Variants in C4BPA observed in about 807,000 individuals in gnomAD.
C4BPA encodes C4b-binding protein alpha chain.
Under a neutral mutation model 63.7 loss-of-function variants are expected in C4BPA, and 31 were observed. That is an observed-to-expected ratio of 0.49 (90% confidence interval 0.37 to 0.66). C4BPA has a LOEUF of 0.66. C4BPA is among the 30% of genes least tolerant of loss of function. The pLI, the probability that C4BPA is intolerant of heterozygous loss-of-function variation, is 0.00. For synonymous variants in C4BPA, 259 were observed against 254.7 expected (o/e 1.02, Z -0.16); for missense variants, 572 against 723.3 (o/e 0.79, Z 2.40).
chr1:207,108,556 A>G (rs1684603539), intron 1 of C4BPA, among the ~76,000 whole-genome samples: 1 of 152,228 alleles, frequency 6.6e-6, no homozygotes, highest in Admixed American at 6.5e-5. Flanking sequence ...CCAGAATTTA[A>G]CTAGTTAGCA....
At chr1:207,108,721 T>TTTTA (rs921498740) in intron 1 of C4BPA, among the ~76,000 whole-genome samples, 2 of 152,042 alleles carry the variant, frequency 1.3e-5, no homozygotes, top group South Asian at 2.1e-4. Context: ...GGGTGATTCA[T>TTTTA]TTTATTTATT....
intron 6 of C4BPA, among the ~76,000 whole-genome samples, chr1:207,126,509 C>CATAT (rs145540771): frequency 2.7e-5 from 4 of 148,180 alleles, no homozygotes; most frequent in African/African-American, 9.9e-5. Flanking sequence ...GAAAGGATTA[C>CATAT]ATATATATAT....
chr1:207,124,061 A>G lies in C4BPA; in HGVS notation c.514+54A>G, dbSNP rs371583733. ...TCAATTTAAACTCTGTTAGGTAATA[A>G]AGTCCCTGTGCATCTTTACAGGTAT... On this transcript the variant is annotated intron_variant, in intron 5 of 11. Transcript: ENST00000367070. The G allele has an allele frequency of 4.7e-6, 7 of 1,500,758 alleles. No individual in the cohort carries two copies. In the African/African-American group the frequency reaches 9.7e-5, roughly 21 times the overall value. 93.0% of individuals were successfully genotyped at this position (1,500,758 alleles called of 1,614,324 possible). A position where few individuals can be genotyped will look rare whatever the true frequency, so the allele number is the denominator to read the frequency against.
chr1:207,117,259 G>A (rs552776631), intron 4 of C4BPA, among the ~76,000 whole-genome samples: 6 of 152,204 alleles, frequency 3.9e-5, no homozygotes, highest in South Asian at 2.1e-4. Context: ...AGACCAGCCC[G>A]GGCAACACAG....
At chr1:207,125,569 G>A (rs926261672) in intron 6 of C4BPA, among the ~76,000 whole-genome samples, 13 of 152,210 alleles carry the variant, frequency 8.5e-5, no homozygotes, top group African/African-American at 2.4e-4. Context: ...AAGGGAGAGC[G>A]CTAGTCTCTT....
chr1:207,134,695 T>G (rs1685241864), intron 9 of C4BPA, 103 bp downstream of exon 9: 1 of 757,312 alleles, frequency 1.3e-6, no homozygotes, highest in Admixed American at 2.8e-5. Context: ...TTCATATACC[T>G]TGCATGATTC....
Position 207,131,532 on chromosome 1 carries a change from T to A in C4BPA, c.890-14T>A, listed in dbSNP as rs1483362932. ...AGCGTCCTTTTGTTCTTCTTCTTCT[T>A]CTTTCATGAGTAGATAGTTGTATTA... On this transcript the variant is annotated splice_polypyrimidine_tract_variant and intron_variant, in intron 7 of 11. Coordinates refer to ENST00000367070, the MANE Select transcript of C4BPA (RefSeq NM_000715.4). 1 of 1,580,744 alleles carries A rather than the reference T, an allele frequency of 6.3e-7. No homozygotes were observed. The highest frequency in any genetic ancestry group is 1.7e-5 in the Admixed American group (1 of 59,094).
intron 9 of C4BPA, among the ~76,000 whole-genome samples, chr1:207,135,519 C>T (rs1685264171): frequency 6.6e-6 from 1 of 152,146 alleles, no homozygotes; most frequent in South Asian, 2.1e-4. Flanking sequence ...AATGTTCCCA[C>T]TTTGCCAACC....
intron 1 of C4BPA, 81 bp from the exon 2 acceptor site, chr1:207,112,920 T>G: frequency 2.3e-6 from 3 of 1,295,868 alleles, no homozygotes; most frequent in Non-Finnish European, 3.1e-6. Flanking sequence ...CTTGAAGACA[T>G]GGATCCCATA....
intron 7 of C4BPA, among the ~76,000 whole-genome samples, chr1:207,130,505 T>C (rs191416152): frequency 6.8e-4 from 104 of 152,250 alleles, no homozygotes; most frequent in African/African-American, 2.4e-3. Context: ...TACATGAAGA[T>C]TCATAGCAGC....
chr1:207,114,699 G>A lies in C4BPA; in HGVS notation c.328+414G>A, dbSNP rs139066373. 623 of 193,386 alleles carry A rather than the reference G, an allele frequency of 3.2e-3. 2 individuals carry two copies. Among genetic ancestry groups the A allele is most frequent in the African/African-American group, 0.014 (594 of 41,864 alleles). 12.0% of individuals were successfully genotyped at this position (193,386 alleles called of 1,614,324 possible). A position where few individuals can be genotyped will look rare whatever the true frequency, so the allele number is the denominator to read the frequency against. ...AGTAGATACAGGGTTTCACCATATT[G>A]GCTAGACTGGTCTCAAACTCCTGAC... On this transcript the variant is annotated intron_variant, in intron 3 of 11. Transcript: ENST00000367070.
intron 5 of C4BPA, 57 bp downstream of exon 5, chr1:207,124,064 T>C (rs748958102): frequency 5.7e-5 from 84 of 1,485,764 alleles, no homozygotes; most frequent in Non-Finnish European, 7.7e-5. Flanking sequence ...GGTAATAAAG[T>C]CCCTGTGCAT....
chr1:207,138,435 A>G (rs951041747), intron 9 of C4BPA, among the ~76,000 whole-genome samples: 1 of 152,172 alleles, frequency 6.6e-6, no homozygotes, highest in Non-Finnish European at 1.5e-5. Context: ...AGCTTTCTCT[A>G]TCAGGACCTG....
intron 7 of C4BPA, 120 bp downstream of exon 7, chr1:207,127,015 A>C: frequency 1.5e-6 from 1 of 684,964 alleles, no homozygotes. Context: ...TTACATCTAG[A>C]TCAATAATTT....
chr1:207,115,535 T>G lies in C4BPA; in HGVS notation c.428+20T>G. 1 of 1,275,220 alleles carries G rather than the reference T, an allele frequency of 7.8e-7. No homozygotes were observed. The highest frequency in any genetic ancestry group is 1.1e-6 in the Non-Finnish European group (1 of 916,280). The allele number at this position is 1,275,220 out of a possible 1,614,324, so 79.0% of individuals were successfully genotyped here. ...AGAAGGGTGAGTGTGAGGTAATCTA[T>G]GAACAATTCTTTTATATTTATTTAA... On this transcript the variant is annotated intron_variant, in intron 4 of 11. Transcript: ENST00000367070.
intron 8 of C4BPA, among the ~76,000 whole-genome samples, chr1:207,132,546 G>C (rs1213389281): frequency 1.3e-5 from 2 of 152,182 alleles, no homozygotes; most frequent in Non-Finnish European, 2.9e-5. Flanking sequence ...CAACCTGTCA[G>C]AAGATTACTT....
At chr1:207,123,843 A>T (rs1684971245) in intron 4 of C4BPA, 79 bp from the exon 5 acceptor site, 4 of 765,612 alleles carry the variant, frequency 5.2e-6, no homozygotes, top group African/African-American at 1.8e-5. Context: ...ATTGAGTAAC[A>T]ATTCTATTTG....
chr1:207,112,599 A>T (rs190878637), intron 1 of C4BPA, among the ~76,000 whole-genome samples: 72 of 152,314 alleles, frequency 4.7e-4, no homozygotes, highest in African/African-American at 1.7e-3. Context: ...AAAGTCTATG[A>T]ATTTCCTAAA....
intron 9 of C4BPA, among the ~76,000 whole-genome samples, chr1:207,139,926 G>T (rs998238167): frequency 2.0e-5 from 3 of 152,112 alleles, no homozygotes; most frequent in African/African-American, 7.2e-5. Context: ...AAATGCTGTT[G>T]GTCCCTTGAT....
Sources: gnomAD v4.1 joint callset for allele counts (sites outside exome capture counted in the v4.1 genomes callset) on GRCh38, gnomAD v4.1.1 for gene constraint, MANE v1.5 for transcripts, NCBI Gene and HGNC (gene_info 2026-07-23, HGNC 2026-07-21) for gene names.